The following PGBD2 variants were observed in gnomAD, a reference collection of about 807,000 sequenced individuals.
The protein encoded by PGBD2 is piggyBac transposable element derived 2.
A neutral mutation model predicts 8.1 loss-of-function variants in PGBD2; 6 were observed. The observed-to-expected ratio is 0.74, with a 90% CI of 0.40 to 1.46. PGBD2 has a LOEUF of 1.46. PGBD2 is among the 40% of genes most tolerant of loss of function. PGBD2 has a pLI of 0.02. For synonymous variants in PGBD2, 318 were observed against 272.2 expected, an observed-to-expected ratio of 1.17 and a Z score of -1.66; for missense variants, 802 against 739.0, an observed-to-expected ratio of 1.09 and a Z score of -0.99.
At chr1:248,927,340 G>A in the PGBD2 span, among the ~76,000 whole-genome samples, 1,864 of 152,202 alleles carry the variant, frequency 0.012, 34 homozygotes, top group African/African-American at 0.043. Flanking sequence ...TAAGGAGGAG[G>A]AGCAGAAATA....
At chr1:248,926,558 G>A in the PGBD2 span, among the ~76,000 whole-genome samples, 1 of 152,166 alleles carries the variant, frequency 6.6e-6, no homozygotes, top group African/African-American at 2.4e-5. Flanking sequence ...AACAGAGCTA[G>A]TATTTCATGA....
the PGBD2 span, among the ~76,000 whole-genome samples, chr1:248,874,946 ATAGATAG>A: frequency 6.6e-6 from 1 of 150,680 alleles, no homozygotes; most frequent in South Asian, 2.1e-4. Flanking sequence ...AGATAGATAG[ATAGATAG>A]ATAGACAAAT....
chr1:248,917,417 A>T lies in PGBD2; in HGVS notation c.833A>T (p.His278Leu). ...FGESMCEYFG[H>L]RGSKQLHRGK... ...GAGTCTATGTGTGAGTACTTTGGGC[A>T]CCGGGGGTCCAAGCAGCTGCACAGG... Residue 278 changes from histidine (H) to leucine (L), a missense_variant, in exon 3 of 3, where the codon CAC (histidine) becomes CTC (leucine). Transcript: ENST00000329291. 6.2e-7 allele frequency: 1 copy of T among 1,614,120 alleles called. No homozygotes were observed. Among genetic ancestry groups the T allele is most frequent in the East Asian group, 2.2e-5 (1 of 44,880 alleles).
downstream of PGBD2, among the ~76,000 whole-genome samples, chr1:248,922,403 C>T (rs989738606): frequency 1.3e-5 from 2 of 152,202 alleles, no homozygotes; most frequent in Non-Finnish European, 2.9e-5. Flanking sequence ...CATCTGCAAA[C>T]AGAGACCATT....
chr1:248,928,462 T>A, the PGBD2 span, among the ~76,000 whole-genome samples: 2 of 152,364 alleles, frequency 1.3e-5, no homozygotes, highest in African/African-American at 4.8e-5. Flanking sequence ...CTAATATAGC[T>A]GTGACCCAAA....
At chr1:248,896,001 T>C in the PGBD2 span, among the ~76,000 whole-genome samples, 1 of 151,984 alleles carries the variant, frequency 6.6e-6, no homozygotes, top group Non-Finnish European at 1.5e-5. Context: ...TATAGTCTTT[T>C]ATCCATCACG....
chr1:248,905,926 G>A (rs897699252), upstream of PGBD2, among the ~76,000 whole-genome samples: 1 of 152,198 alleles, frequency 6.6e-6, no homozygotes, highest in Non-Finnish European at 1.5e-5. Context: ...TTTCCCAGGT[G>A]AAGCTGCTGT....
the PGBD2 span, among the ~76,000 whole-genome samples, chr1:248,876,404 GGTGGAGGGTTT>G: frequency 2.0e-5 from 3 of 152,286 alleles, no homozygotes; most frequent in Admixed American, 6.5e-5. Flanking sequence ...CAATACTTTA[GGTGGAGGGTTT>G]GCTATTCTTT....
At chr1:248,898,100 T>G in the PGBD2 span, among the ~76,000 whole-genome samples, 4 of 152,332 alleles carry the variant, frequency 2.6e-5, no homozygotes, top group Non-Finnish European at 5.9e-5. Flanking sequence ...ATGCAGCCCC[T>G]TGGGGGAGGG....
At chr1:248,915,226 C>T (rs2103113581) in intron 2 of PGBD2, among the ~76,000 whole-genome samples, 1 of 152,320 alleles carries the variant, frequency 6.6e-6, no homozygotes, top group East Asian at 1.9e-4. Context: ...GGAGTGTACC[C>T]ATCGCCAGCC....
At chr1:248,905,777 G>GC (rs1661612229), upstream of PGBD2, among the ~76,000 whole-genome samples, 1 of 152,192 alleles carries the variant, frequency 6.6e-6, no homozygotes, top group Non-Finnish European at 1.5e-5. Flanking sequence ...GAGAAACCCT[G>GC]CCATACAGCA....
chr1:248,882,604 G>A, the PGBD2 span, among the ~76,000 whole-genome samples: 22 of 152,262 alleles, frequency 1.4e-4, no homozygotes, highest in Admixed American at 8.5e-4. Context: ...AGATGAGGGC[G>A]TTTATAGCCC....
At chr1:248,907,739 CAT>C (rs1205868274) in intron 1 of PGBD2, among the ~76,000 whole-genome samples, 3 of 152,192 alleles carry the variant, frequency 2.0e-5, no homozygotes, top group Non-Finnish European at 4.4e-5. Context: ...CCATACAACA[CAT>C]GTTTTTGTGA....
rs375180218 is a variant in PGBD2, at chr1:248,917,587, G to T, written c.1003G>T (p.Val335Leu). The T allele has an allele frequency of 6.8e-6, 11 of 1,614,090 alleles. No homozygotes were observed. In the African/African-American group the frequency reaches 1.5e-4, roughly 22 times the overall value. The change falls in exon 3 of 3, where the codon GTG (valine) becomes TTG (leucine). Residue 335 changes from valine (V) to leucine (L), a missense_variant. By Grantham distance (32) the Val-to-Leu change is conservative. Transcript: ENST00000329291. ...AGGAGGCAGTATGGTAATAAAATTT[G>T]TGGATGCGCTTCAGGAGCGTGGTTT... ...DLGGSMVIKF[V>L]DALQERGFLP... is the part of the protein sequence containing the mutation.
intron 1 of PGBD2, among the ~76,000 whole-genome samples, chr1:248,911,034 A>G (rs909681858): frequency 2.7e-5 from 4 of 150,932 alleles, no homozygotes; most frequent in Non-Finnish European, 5.9e-5. Context: ...TCCCAGCCCT[A>G]TTTGCCCCCC....
chr1:248,923,698 C>T (rs1458809962), downstream of PGBD2, among the ~76,000 whole-genome samples: 1 of 152,228 alleles, frequency 6.6e-6, no homozygotes, highest in Non-Finnish European at 1.5e-5. Context: ...CTCATACAGT[C>T]AATATAATCG....
chr1:248,929,052 AT>A, the PGBD2 span, among the ~76,000 whole-genome samples: 5 of 152,196 alleles, frequency 3.3e-5, no homozygotes, highest in African/African-American at 4.8e-5. Context: ...TATTCATTAA[AT>A]TTTTTAAGTA....
the PGBD2 span, among the ~76,000 whole-genome samples, chr1:248,882,096 C>G: frequency 2.0e-5 from 3 of 152,132 alleles, no homozygotes; most frequent in Non-Finnish European, 4.4e-5. Flanking sequence ...GGGGCTCTCT[C>G]TTTGTTCCCA....
rs750347917 is a variant in PGBD2 at position 248,918,202 on chromosome 1, C to T, written c.1618C>T (p.Arg540Trp). ...DTTSQGRRSR[R>W]LETESRFDMI... ...AACATCTCAAGGGAGGCGAAGCAGG[C>T]GGTTGGAGACTGAGAGCCGCTTCGA... Residue 540 changes from arginine (R) to tryptophan (W), a missense_variant, in exon 3 of 3, where the codon CGG becomes TGG. Physicochemically the swap from Arg to Trp is moderately radical, Grantham distance 101. Coordinates refer to ENST00000329291, the MANE Select transcript of PGBD2 (RefSeq NM_170725.3). 3.5e-5 allele frequency: 57 copies of T among 1,614,030 alleles called. No individual in the cohort carries two copies. The South Asian group carries it at 3.7e-4, about 11-fold the overall frequency.
Sources: allele counts gnomAD v4.1 joint callset (sites outside exome capture counted in the v4.1 genomes callset), GRCh38; gene constraint gnomAD v4.1.1; transcripts MANE v1.5; gene names NCBI Gene and HGNC (gene_info 2026-07-23, HGNC 2026-07-21).